GNPDA1: variants seen among roughly 807,000 people sequenced by gnomAD.
The protein encoded by GNPDA1 is GNPDA 1.
Under a neutral mutation model 28.5 loss-of-function variants are expected in GNPDA1, and 24 were observed. That is an observed-to-expected ratio of 0.84 (90% CI 0.61 to 1.19). The LOEUF (loss-of-function observed/expected upper bound fraction) is 1.19, where lower values mean the gene tolerates loss of function less well. Ranked by LOEUF, GNPDA1 falls within the 50% of genes most tolerant of loss-of-function variation. The pLI is 0.00. For missense variants in GNPDA1, 264 were observed against 367.3 expected (o/e 0.72, Z 2.30); for synonymous variants, 147 against 139.3 (o/e 1.06, Z -0.39).
rs1755673605 is a variant in GNPDA1 at position 142,001,342 on chromosome 5, C to T, written c.*687G>A. On this transcript the variant is annotated 3_prime_UTR_variant, in exon 7 of 7. Coordinates refer to ENST00000311337, the MANE Select transcript of GNPDA1 (RefSeq NM_005471.5). ...CTTCTGCCTTTTGGTGCTGGAGAGT[C>T]CCTGAGGGAGAGAAGTTTGACGTGG... The T allele has an allele frequency of 6.6e-6, 1 of 152,288 alleles. No homozygotes were observed. The highest frequency in any genetic ancestry group is 1.5e-5 in the Non-Finnish European group (1 of 68,062). 9.4% of individuals were successfully genotyped at this position (152,288 alleles called of 1,614,324 possible). A position where few individuals can be genotyped will look rare whatever the true frequency, so the allele number is the denominator to read the frequency against.
intron 2 of GNPDA1, among the ~76,000 whole-genome samples, chr5:142,008,853 C>G (rs1355692016): frequency 6.6e-6 from 1 of 151,968 alleles, no homozygotes; most frequent in African/African-American, 2.4e-5. Context: ...AAAAACCAAC[C>G]TATAAAAGAT....
rs1755740142 is a variant in GNPDA1, at chr5:142,003,979, C to G, written c.595-717G>C. Among the ~76,000 whole-genome samples, 3 of 152,156 alleles carry G rather than the reference C, an allele frequency of 2.0e-5. No individual in the cohort carries two copies. In the South Asian group the frequency reaches 6.2e-4, roughly 31 times the overall value. On this transcript the variant is annotated intron_variant, in intron 5 of 6. Transcript: ENST00000311337. The surrounding 1 kb of genome is among the most constrained non-coding windows in gnomAD (Gnocchi z 4.0). ...TTCACATGTGCCACAGAGTTGTGAA[C>G]AGGATTTACTGTTCCTTTCTTAAAA... is the stretch of plus-strand genomic sequence containing the variant.
intron 2 of GNPDA1, 96 bp downstream of exon 2, chr5:142,011,816 C>A (rs757421212): frequency 1.4e-6 from 2 of 1,414,880 alleles, no homozygotes; most frequent in South Asian, 2.3e-5. Flanking sequence ...CCAGAGCCCC[C>A]GTGAAGTCCC....
At chr5:142,010,502 C>A in intron 2 of GNPDA1, among the ~76,000 whole-genome samples, 1 of 43,462 alleles carries the variant, frequency 2.3e-5, no homozygotes, top group South Asian at 1.3e-3. Context: ...GAATGGTTTT[C>A]TTTTCTTTCT....
chr5:142,012,743 A>G, intron 1 of GNPDA1: 1 of 969,526 alleles, frequency 1.0e-6, no homozygotes, highest in African/African-American at 1.8e-5. Flanking sequence ...CTCCAGAAGG[A>G]GGACATTTTG....
In GNPDA1 at chr5:142,000,974, G is replaced by A. The variant is rs1274032863; in HGVS notation, c.*1055C>T. On this transcript the variant is annotated 3_prime_UTR_variant, in exon 7 of 7. Coordinates refer to ENST00000311337, the MANE Select transcript of GNPDA1 (RefSeq NM_005471.5). ...TTGGGATCCGGGGAGAAGGGTAAAT[G>A]GGCAAAAGGGTTGTATTTCCTGATG... The A allele has an allele frequency of 6.6e-6, 1 of 152,444 alleles. No homozygotes were observed. The highest frequency in any genetic ancestry group is 1.5e-5 in the Non-Finnish European group (1 of 68,084). 9.4% of individuals were successfully genotyped at this position (152,444 alleles called of 1,614,324 possible). A position where few individuals can be genotyped will look rare whatever the true frequency, so the allele number is the denominator to read the frequency against.
At chr5:142,012,118 G>A in intron 1 of GNPDA1, 77 bp from the exon 2 acceptor site, 1 of 1,424,618 alleles carries the variant, frequency 7.0e-7, no homozygotes, top group South Asian at 1.3e-5. Flanking sequence ...GGTGGGAGAA[G>A]CTTCTCTTAC....
chr5:142,012,731 C>T (rs1221867023), intron 1 of GNPDA1: 9 of 976,674 alleles, frequency 9.2e-6, no homozygotes, highest in African/African-American at 3.5e-5. Context: ...AAAAGGTAAT[C>T]GCTCCAGAAG....
chr5:142,012,071 G>A (rs773430885), intron 1 of GNPDA1, 30 bp from the exon 2 acceptor site: 17 of 1,569,572 alleles, frequency 1.1e-5, no homozygotes, highest in African/African-American at 4.0e-5. Flanking sequence ...ATGACAGAAA[G>A]GAATCAATGG....
In GNPDA1 at chr5:142,003,286, T is replaced by C. The variant is rs1755722720; in HGVS notation, c.595-24A>G. The C allele has an allele frequency of 6.4e-7, 1 of 1,553,568 alleles. No individual in the cohort carries two copies. Among genetic ancestry groups the C allele is most frequent in the South Asian group, 1.1e-5 (1 of 88,248 alleles). On this transcript the variant is annotated intron_variant, in intron 5 of 6. Coordinates refer to ENST00000311337, the MANE Select transcript of GNPDA1 (RefSeq NM_005471.5). This position sits in a 1 kb window ranked among gnomAD's most constrained non-coding sequence, Gnocchi z 4.0. Reference sequence around the variant, plus strand: ...ACCTGGGGATCAGAAAACAAGTCTGTGATGGAGGGGAGCATTCCAGACACC... The same window carrying C: ...ACCTGGGGATCAGAAAACAAGTCTGCGATGGAGGGGAGCATTCCAGACACC...
chr5:142,009,602 C>A (rs1275324992), intron 2 of GNPDA1, among the ~76,000 whole-genome samples: 1 of 152,114 alleles, frequency 6.6e-6, no homozygotes, highest in African/African-American at 2.4e-5. Flanking sequence ...TGAATGGCAG[C>A]TCCCCGCAGC....
chr5:142,011,884 A>G lies in GNPDA1; in HGVS notation c.124+28T>C, dbSNP rs754800886. 13 of 1,613,412 alleles carry G rather than the reference A, an allele frequency of 8.1e-6. No individual in the cohort carries two copies. In the Admixed American group the frequency reaches 2.0e-4, roughly 25 times the overall value. On this transcript the variant is annotated intron_variant, in intron 2 of 6. Coordinates refer to ENST00000311337, the MANE Select transcript of GNPDA1 (RefSeq NM_005471.5). ...TTGCCTACTCTCTCCACCCTTATCC[A>G]CGGCACCCTCTCCATCCAAGAACGC...
chr5:142,003,393 G>C lies in GNPDA1; in HGVS notation c.595-131C>G. Reference sequence around the variant, plus strand: ...AACATACTTTTGCTCAGTGCTCCCTGTGCTTTATCACACAAATAACCCGAG... The same window carrying C: ...AACATACTTTTGCTCAGTGCTCCCTCTGCTTTATCACACAAATAACCCGAG... On this transcript the variant is annotated intron_variant, in intron 5 of 6. Transcript: ENST00000311337. The surrounding 1 kb of genome is among the most constrained non-coding windows in gnomAD (Gnocchi z 4.0). 1 of 583,530 alleles carries C rather than the reference G, an allele frequency of 1.7e-6. No homozygotes were observed. The highest frequency in any genetic ancestry group is 3.0e-6 in the Non-Finnish European group (1 of 335,168). The allele number at this position is 583,530 out of a possible 1,614,324, so 36.1% of individuals were successfully genotyped here. A position where few individuals can be genotyped will look rare whatever the true frequency, so the allele number is the denominator to read the frequency against.
In GNPDA1 at chr5:142,012,039, G is replaced by A. The variant is rs1423102849; in HGVS notation, c.-4C>T. The stretch of plus-strand genomic sequence containing the variant: ...GCTCCAGGATGATGAGCTTCATCTT[G>A]TCCTGCAGTGGGGGAGAGGGGATGA... On this transcript the variant is annotated splice_region_variant and 5_prime_UTR_variant, in exon 2 of 7. Coordinates refer to ENST00000311337, the MANE Select transcript of GNPDA1 (RefSeq NM_005471.5). 6.3e-6 allele frequency: 10 copies of A among 1,588,274 alleles called. No homozygotes were observed. The highest frequency in any genetic ancestry group is 8.6e-6 in the Non-Finnish European group (10 of 1,159,038).
At position 142,007,860 on chromosome 5, in the gene GNPDA1, G is replaced by A. The variant is rs201280472; in HGVS notation, c.165C>T (p.Tyr55=). ...PLGCYKKLIE[Y]YKNGDLSFKY... ...TAAAGGACAGGTCCCCATTCTTATA[G>A]TATTCAATCAGCTTCTTGTAGCAGC... The change falls in exon 3 of 7, where the codon TAC becomes TAT. Residue 55 remains tyrosine, a synonymous_variant. Coordinates refer to ENST00000311337, the MANE Select transcript of GNPDA1 (RefSeq NM_005471.5). 44 of 1,612,808 alleles carry A rather than the reference G, an allele frequency of 2.7e-5. No homozygotes were observed. The East Asian group carries it at 8.5e-4, about 31-fold the overall frequency.
In GNPDA1 at chr5:142,003,441, T is replaced by C. The variant is rs1196531943; in HGVS notation, c.595-179A>G. On this transcript the variant is annotated intron_variant, in intron 5 of 6. Transcript: ENST00000311337. This position sits in a 1 kb window ranked among gnomAD's most constrained non-coding sequence, Gnocchi z 4.0. ...GAGGCAGGCAGCATCATTATCTCCA[T>C]CTTATAAGAAAACAGAGCCCCAGGG... Among the ~76,000 whole-genome samples the C allele has an allele frequency of 2.6e-5, 4 of 152,232 alleles. No homozygotes were observed. Among genetic ancestry groups the C allele is most frequent in the Admixed American group, 1.3e-4 (2 of 15,290 alleles).
In GNPDA1 at chr5:142,002,042, G is replaced by A; in HGVS notation, c.857C>T (p.Pro286Leu). ...TCCCAGCACAGGCTAATCGCTGTAT[G>A]GTTTCTTCGAAGATTGGCTTTTCTC... ...ETEKSQSSKK[P>L]YSD The change falls in exon 7 of 7, where the codon CCA becomes CTA. Residue 286 changes from proline to leucine, a missense_variant. Coordinates refer to ENST00000311337, the MANE Select transcript of GNPDA1 (RefSeq NM_005471.5). 2 of 1,572,270 alleles carry A rather than the reference G, an allele frequency of 1.3e-6. No individual in the cohort carries two copies. The highest frequency in any genetic ancestry group is 1.8e-6 in the Non-Finnish European group (2 of 1,141,964).
chr5:142,011,750 A>C, intron 2 of GNPDA1, 162 bp downstream of exon 2: 1 of 659,216 alleles, frequency 1.5e-6, no homozygotes, highest in Non-Finnish European at 2.6e-6. Context: ...CCATAAGGGA[A>C]GCTGGGTCCT....
Position 142,001,186 on chromosome 5 carries a change from C to T in GNPDA1, c.*843G>A, listed in dbSNP as rs1331065130. 4 of 152,306 alleles carry T rather than the reference C, an allele frequency of 2.6e-5. No homozygotes were observed. Among genetic ancestry groups the T allele is most frequent in the Non-Finnish European group, 5.9e-5 (4 of 68,056 alleles). The allele number at this position is 152,306 out of a possible 1,614,324, so 9.4% of individuals were successfully genotyped here. A position where few individuals can be genotyped will look rare whatever the true frequency, so the allele number is the denominator to read the frequency against. On this transcript the variant is annotated 3_prime_UTR_variant, in exon 7 of 7. Transcript: ENST00000311337. ...TGCCCAGACCGTCCCCTTGGCTGAACACAACACTGAAATTGTGGCAGTGTC... is the reference window on the plus strand; with the variant it reads ...TGCCCAGACCGTCCCCTTGGCTGAATACAACACTGAAATTGTGGCAGTGTC...
Sources: allele counts gnomAD v4.1 joint callset (sites outside exome capture counted in the v4.1 genomes callset), GRCh38; gene constraint gnomAD v4.1.1; non-coding constraint Gnocchi (gnomAD v3.1); transcripts MANE v1.5; gene names NCBI Gene and HGNC (gene_info 2026-07-23, HGNC 2026-07-21).